IFT88: variants seen among roughly 807,000 people sequenced by gnomAD.
IFT88 encodes intraflagellar transport 88, also known as intraflagellar transport protein 88 homolog.
A neutral mutation model predicts 119.5 loss-of-function variants in IFT88; 74 were observed. The observed-to-expected ratio is 0.62, with a 90% confidence interval of 0.51 to 0.75. The LOEUF (loss-of-function observed/expected upper bound fraction) is 0.75, where lower values mean the gene tolerates loss of function less well. IFT88 is among the 30% of genes least tolerant of loss of function. IFT88 has a pLI of 0.00. For synonymous variants in IFT88, 279 were observed against 316.7 expected (o/e 0.88, Z 1.26); for missense variants, 961 against 977.7 (o/e 0.98, Z 0.23).
At chr13:20,626,617 G>A (rs557731998) in intron 15 of IFT88, among the ~76,000 whole-genome samples, 1 of 152,286 alleles carries the variant, frequency 6.6e-6, no homozygotes, top group African/African-American at 2.4e-5. Flanking sequence ...AGGGTCTCAT[G>A]GCTGTATGGG....
At chr13:20,627,726 A>G (rs1259890481) in intron 15 of IFT88, among the ~76,000 whole-genome samples, 1 of 44,688 alleles carries the variant, frequency 2.2e-5, no homozygotes, top group Non-Finnish European at 4.4e-5. Context: ...GCGAGACTTC[A>G]TCTCAAAAAA....
intron 12 of IFT88, among the ~76,000 whole-genome samples, chr13:20,604,392 T>C (rs1196804829): frequency 6.6e-6 from 1 of 152,224 alleles, no homozygotes; most frequent in Non-Finnish European, 1.5e-5. Flanking sequence ...ATATGGATCA[T>C]ACTAAGTAAT....
rs143502438 is a variant in IFT88, at chr13:20,650,606, A to G, written c.1950-3270A>G. On this transcript the variant is annotated intron_variant, in intron 20 of 25. Coordinates refer to ENST00000351808, the MANE Select transcript of IFT88 (RefSeq NM_006531.5). ...TGATCAACATGGTACTGGAAGTTCT[A>G]GCCAGAGCAGGTAGGCAAGAAAAAG... Among the ~76,000 whole-genome samples, 112 of 152,314 alleles carry G rather than the reference A, an allele frequency of 7.4e-4. 1 individual carries two copies. Among genetic ancestry groups the G allele is most frequent in the South Asian group, 1.4e-3 (7 of 4,830 alleles).
At position 20,643,473 on chromosome 13, in the gene IFT88, T is replaced by G; in HGVS notation, c.1701T>G (p.Asn567Lys). The G allele has an allele frequency of 6.3e-7, 1 of 1,599,712 alleles. No individual in the cohort carries two copies. The highest frequency in any genetic ancestry group is 8.5e-7 in the Non-Finnish European group (1 of 1,176,406). The stretch of plus-strand genomic sequence containing the variant: ...GCATAAGATATGAATTAATGGAAAA[T>G]CCCAGTCAAGCTATTGAATGGCTAA... ...QIANIYELME[N>K]PSQAIEWLMQ... The change falls in exon 19 of 26, where the codon AAT (asparagine) becomes AAG (lysine). Residue 567 changes from asparagine (N) to lysine (K), a missense_variant. By Grantham distance (94) the Asn-to-Lys change is moderately conservative (BLOSUM62 0). Transcript: ENST00000351808.
intron 16 of IFT88, among the ~76,000 whole-genome samples, chr13:20,637,200 T>C (rs1373330209): frequency 6.6e-6 from 1 of 152,178 alleles, no homozygotes; most frequent in Non-Finnish European, 1.5e-5. Context: ...GAAGTAGATA[T>C]TGGCAATGGT....
chr13:20,676,942 AAC>A, intron 24 of IFT88, among the ~76,000 whole-genome samples: 1 of 152,200 alleles, frequency 6.6e-6, no homozygotes, highest in South Asian at 2.1e-4. Flanking sequence ...CATACATACA[AAC>A]ACACATTTTA....
chr13:20,607,736 G>T, intron 13 of IFT88: 1 of 756,756 alleles, frequency 1.3e-6, no homozygotes. Flanking sequence ...GCTGTCAGCG[G>T]CTTCTGTAAC....
intron 24 of IFT88, among the ~76,000 whole-genome samples, chr13:20,681,146 T>C (rs975622842): frequency 3.3e-5 from 5 of 152,210 alleles, no homozygotes; most frequent in African/African-American, 1.2e-4. Flanking sequence ...ATATTCCATA[T>C]AGAGAAAAAT....
intron 20 of IFT88, among the ~76,000 whole-genome samples, chr13:20,650,311 G>C (rs899424167): frequency 1.3e-5 from 2 of 152,090 alleles, no homozygotes; most frequent in Admixed American, 1.3e-4. Flanking sequence ...TGCAAAGATA[G>C]TTCAACATAT....
At chr13:20,624,493 G>A (rs2047006004) in intron 14 of IFT88, among the ~76,000 whole-genome samples, 1 of 152,142 alleles carries the variant, frequency 6.6e-6, no homozygotes, top group South Asian at 2.1e-4. Flanking sequence ...CAGAAAGGCA[G>A]GGGAAGGTCA....
chr13:20,661,284 G>A (rs1337284409), intron 22 of IFT88, among the ~76,000 whole-genome samples: 5 of 152,188 alleles, frequency 3.3e-5, no homozygotes, highest in Non-Finnish European at 5.9e-5. Flanking sequence ...TACCAGGAAG[G>A]AAAGGCAGGA....
chr13:20,679,628 G>T (rs1420141007), intron 24 of IFT88, among the ~76,000 whole-genome samples: 1 of 152,258 alleles, frequency 6.6e-6, no homozygotes, highest in East Asian at 1.9e-4. Flanking sequence ...ATGATGATTA[G>T]GGAGATCAAG....
chr13:20,602,564 G>C (rs564718119), intron 12 of IFT88, among the ~76,000 whole-genome samples: 36 of 152,222 alleles, frequency 2.4e-4, no homozygotes, highest in African/African-American at 8.2e-4. Context: ...TTGTGGAGCA[G>C]AGGGAACCTC....
chr13:20,681,977 G>A (rs1476574517), intron 24 of IFT88, among the ~76,000 whole-genome samples: 1 of 152,216 alleles, frequency 6.6e-6, no homozygotes, highest in Admixed American at 6.5e-5. Context: ...AATCCAATTA[G>A]TTAATTTTAA....
Position 20,599,686 on chromosome 13 carries a change from C to T in IFT88, c.812+121C>T, listed in dbSNP as rs118106334. ...AAAGTGTTTGTACATGAGATTTATA[C>T]GTGTAGTATTTTGATCTGTTCCCTT... On this transcript the variant is annotated intron_variant, in intron 11 of 25. Transcript: ENST00000351808. 5.7e-4 allele frequency: 337 copies of T among 586,632 alleles called. 2 individuals carry two copies. Among genetic ancestry groups the T allele is most frequent in the East Asian group, 4.9e-3 (158 of 31,992 alleles). The allele number at this position is 586,632 out of a possible 1,614,324, so 36.3% of individuals were successfully genotyped here.
chr13:20,575,854 T>TA (rs1326925701), intron 2 of IFT88, among the ~76,000 whole-genome samples: 43 of 152,244 alleles, frequency 2.8e-4, no homozygotes, highest in African/African-American at 1.0e-3. Flanking sequence ...GCCTGGTACA[T>TA]ACTGATTTCT....
At chr13:20,568,756 G>T (rs1222210850) in intron 1 of IFT88, among the ~76,000 whole-genome samples, 1 of 151,850 alleles carries the variant, frequency 6.6e-6, no homozygotes, top group African/African-American at 2.4e-5. Context: ...CGCACGCTCT[G>T]TTGCCCAGGC....
intron 16 of IFT88, among the ~76,000 whole-genome samples, chr13:20,635,640 C>T (rs1014594551): frequency 2.6e-5 from 4 of 152,166 alleles, no homozygotes; most frequent in South Asian, 2.1e-4. Context: ...AACCAAACAC[C>T]GCATGTTCTC....
At chr13:20,572,065 C>A (rs1406364784) in intron 1 of IFT88, among the ~76,000 whole-genome samples, 1 of 151,824 alleles carries the variant, frequency 6.6e-6, no homozygotes, top group Non-Finnish European at 1.5e-5. Flanking sequence ...TTTTTTCCCT[C>A]AACATTTCAT....
Sources: allele counts gnomAD v4.1 joint callset (sites outside exome capture counted in the v4.1 genomes callset), GRCh38; gene constraint gnomAD v4.1.1; transcripts MANE v1.5; gene names NCBI Gene and HGNC (gene_info 2026-07-23, HGNC 2026-07-21).